PITPNC1: variants seen among roughly 807,000 people sequenced by gnomAD.
PITPNC1 encodes cytoplasmic phosphatidylinositol transfer protein 1.
Under a neutral mutation model 44.7 loss-of-function variants are expected in PITPNC1, and 18 were observed. The ratio of observed to expected loss-of-function variants is 0.40; its 90% confidence interval spans 0.28 to 0.60. The LOEUF is 0.60. Among genes scored for constraint, PITPNC1 ranks in the 20% least tolerant of loss-of-function variants. The pLI, the probability that PITPNC1 is intolerant of heterozygous loss-of-function variation, is 0.39. For synonymous variants in PITPNC1, 141 were observed against 149.6 expected (o/e 0.94, Z 0.42); for missense variants, 290 against 418.4 (o/e 0.69, Z 2.68).
chr17:67,463,012 A>AT (rs1385405674), intron 1 of PITPNC1, among the ~76,000 whole-genome samples: 2 of 152,218 alleles, frequency 1.3e-5, no homozygotes, highest in Non-Finnish European at 2.9e-5. Flanking sequence ...ACAATTGGAA[A>AT]TTTTTTAAAA....
chr17:67,470,467 T>G (rs944805133), intron 1 of PITPNC1, among the ~76,000 whole-genome samples: 1 of 152,222 alleles, frequency 6.6e-6, no homozygotes, highest in Non-Finnish European at 1.5e-5. Context: ...TTGCCTTTCT[T>G]AAAGTTTCCT....
Position 67,553,595 on chromosome 17 carries a change from A to C in PITPNC1, c.287-15A>C, listed in dbSNP as rs1402318648. The C allele has an allele frequency of 5.8e-6, 7 of 1,203,910 alleles. No homozygotes were observed. The highest frequency in any genetic ancestry group is 8.1e-6 in the Non-Finnish European group (7 of 864,206). 74.6% of individuals were successfully genotyped at this position (1,203,910 alleles called of 1,614,324 possible). On this transcript the variant is annotated splice_polypyrimidine_tract_variant and intron_variant, in intron 3 of 8. Transcript: ENST00000581322. ...TTTTCTTTCCTCTCTTCTTCAAATG[A>C]ACATGTGGAAACAGAATACACAGTA...
intron 1 of PITPNC1, among the ~76,000 whole-genome samples, chr17:67,461,801 G>T (rs575813300): frequency 7.4e-4 from 113 of 152,230 alleles, no homozygotes; most frequent in Admixed American, 2.1e-3. Flanking sequence ...GTGACTGAGG[G>T]AGACCCTGTC....
intron 1 of PITPNC1, among the ~76,000 whole-genome samples, chr17:67,428,839 C>CTTTTTTTTTTTTTTTTTTTTTTTT (rs369624053): frequency 8.8e-6 from 1 of 113,186 alleles, no homozygotes. Flanking sequence ...ACTTGTCTTG[C>CTTTTTTTTTTTTTTTTTTTTTTTT]TTTTTTTTTT....
At chr17:67,495,044 T>TTTTTTC (rs2039928837) in intron 1 of PITPNC1, among the ~76,000 whole-genome samples, 1 of 61,866 alleles carries the variant, frequency 1.6e-5, no homozygotes, top group Non-Finnish European at 3.1e-5. Context: ...GGAGTTGTTT[T>TTTTTTC]TTTTTTTGTT....
At chr17:67,633,794 G>A (rs1414862598) in intron 6 of PITPNC1, among the ~76,000 whole-genome samples, 1 of 152,186 alleles carries the variant, frequency 6.6e-6, no homozygotes, top group East Asian at 1.9e-4. Flanking sequence ...GTGACGCCTC[G>A]GGCCCCCCCG....
At chr17:67,477,179 G>A (rs1241997764) in intron 1 of PITPNC1, among the ~76,000 whole-genome samples, 1 of 151,860 alleles carries the variant, frequency 6.6e-6, no homozygotes, top group Non-Finnish European at 1.5e-5. Context: ...GGGCTCAAGG[G>A]ACCCTCCTGC....
Position 67,443,633 on chromosome 17 carries a change from C to CTTT in PITPNC1, c.48+65447_48+65449dup, listed in dbSNP as rs5821477. Among the ~76,000 whole-genome samples, 623 of 122,464 alleles carry CTTT rather than the reference C, an allele frequency of 5.1e-3. 11 individuals carry two copies. Among genetic ancestry groups the CTTT allele is most frequent in the African/African-American group, 0.011 (351 of 32,462 alleles). The allele number at this position is 122,464 out of a possible 152,430, so 80.3% of individuals were successfully genotyped here. ...GACAATAGGCAGAGAGGACACTGGT[C>CTTT]TTTTTTTTTTTTTTTTTTGAGGGGG... is the stretch of plus-strand genomic sequence containing the variant. On this transcript the variant is annotated intron_variant, in intron 1 of 8. Transcript: ENST00000581322.
At chr17:67,450,520 G>C (rs1336387121) in intron 1 of PITPNC1, among the ~76,000 whole-genome samples, 11 of 151,974 alleles carry the variant, frequency 7.2e-5, no homozygotes, top group Admixed American at 7.2e-4. Flanking sequence ...CACCCTCTCC[G>C]GCTCAAGCGA....
At chr17:67,615,316 C>T (rs552684854) in intron 5 of PITPNC1, among the ~76,000 whole-genome samples, 1 of 152,328 alleles carries the variant, frequency 6.6e-6, no homozygotes, top group South Asian at 2.1e-4. Context: ...GGGCTAGTGC[C>T]CATTCCATTG....
chr17:67,477,817 C>A (rs1002428695), intron 1 of PITPNC1, among the ~76,000 whole-genome samples: 1 of 152,142 alleles, frequency 6.6e-6, no homozygotes, highest in Non-Finnish European at 1.5e-5. Flanking sequence ...CAGGTTGAAG[C>A]CATGAGAGAG....
rs1230396909 is a variant in PITPNC1 at position 67,519,057 on chromosome 17, A to G, written c.49-13745A>G. 3.9e-5 allele frequency among the ~76,000 whole-genome samples: 6 copies of G among 152,196 alleles called. No individual in the cohort carries two copies. In the South Asian group the frequency reaches 1.0e-3, roughly 26 times the overall value. On this transcript the variant is annotated intron_variant, in intron 1 of 8. Transcript: ENST00000581322. ...GAAAACAGTTTGGTGGTTACTCAAA[A>G]AGTTCAACATAGAATTACCAAATGA...
chr17:67,593,721 G>A (rs2041423725), intron 5 of PITPNC1, among the ~76,000 whole-genome samples: 1 of 152,044 alleles, frequency 6.6e-6, no homozygotes, highest in African/African-American at 2.4e-5. Flanking sequence ...TCTTGATATT[G>A]ATCTTTTGAG....
intron 5 of PITPNC1, chr17:67,612,722 GATGGATCA>G (rs1291244902): frequency 2.1e-5 from 3 of 144,588 alleles, no homozygotes; most frequent in Non-Finnish European, 3.1e-5. Context: ...TGGATGGATG[GATGGATCA>G]ATGGGTGGAT....
chr17:67,685,976 G>A (rs999531705), intron 8 of PITPNC1, among the ~76,000 whole-genome samples: 11 of 151,572 alleles, frequency 7.3e-5, no homozygotes, highest in Admixed American at 2.0e-4. Context: ...GATTACAGGC[G>A]CCCTCCACCA....
intron 6 of PITPNC1, among the ~76,000 whole-genome samples, chr17:67,669,167 C>T (rs2042471414): frequency 6.6e-6 from 1 of 152,164 alleles, no homozygotes; most frequent in Admixed American, 6.5e-5. Flanking sequence ...AGTGCAATGG[C>T]GCAATCTTGG....
At chr17:67,467,726 A>G (rs1275264307) in intron 1 of PITPNC1, among the ~76,000 whole-genome samples, 1 of 152,204 alleles carries the variant, frequency 6.6e-6, no homozygotes, top group African/African-American at 2.4e-5. Context: ...AACCAGGTGC[A>G]TGTTGCCTTT....
At chr17:67,614,091 A>AAAAAG (rs1156359905) in intron 5 of PITPNC1, among the ~76,000 whole-genome samples, 4 of 151,804 alleles carry the variant, frequency 2.6e-5, no homozygotes, top group Non-Finnish European at 5.9e-5. Context: ...TGTCTCAAAA[A>AAAAAG]AAAAGAAAAG....
Position 67,409,108 on chromosome 17 carries a change from C to G in PITPNC1, c.48+30906C>G, listed in dbSNP as rs1310078284. Among the ~76,000 whole-genome samples the G allele has an allele frequency of 2.5e-5, 3 of 118,600 alleles. No homozygotes were observed. The Admixed American group carries it at 3.4e-4, about 13-fold the overall frequency. The allele number at this position is 118,600 out of a possible 152,430, so 77.8% of individuals were successfully genotyped here. A position where few individuals can be genotyped will look rare whatever the true frequency, so the allele number is the denominator to read the frequency against. On this transcript the variant is annotated intron_variant, in intron 1 of 8. Coordinates refer to ENST00000581322, the MANE Select transcript of PITPNC1 (RefSeq NM_012417.4). ...TTTTTTTTTTTTTGAGACGGAGTCT[C>G]GCTCTGTCGCCCAGGCCGGACTGCG...
Sources: gnomAD v4.1 joint callset for allele counts (sites outside exome capture counted in the v4.1 genomes callset) on GRCh38, gnomAD v4.1.1 for gene constraint, MANE v1.5 for transcripts, NCBI Gene and HGNC (gene_info 2026-07-23, HGNC 2026-07-21) for gene names.